VWA3B: variants seen among roughly 807,000 people sequenced by gnomAD.
VWA3B encodes the protein von Willebrand factor A domain containing 3B.
VWA3B carries 138 observed loss-of-function variants against 158.3 expected under a neutral mutation model. The ratio of observed to expected loss-of-function variants is 0.87; its 90% CI spans 0.76 to 1.00. The LOEUF (loss-of-function observed/expected upper bound fraction) is 1.00. Among genes scored for constraint, VWA3B ranks in the 50% least tolerant of loss-of-function variants. VWA3B has a pLI of 0.00. For missense variants in VWA3B, 1,555 were observed against 1,565.1 expected (o/e 0.99, Z 0.11); for synonymous variants, 596 against 587.3 (o/e 1.01, Z -0.21).
intron 10 of VWA3B, among the ~76,000 whole-genome samples, chr2:98,189,686 G>GAAA (rs1681415007): frequency 6.6e-6 from 1 of 152,100 alleles, no homozygotes. Context: ...ATCTCCAACT[G>GAAA]TAGTCTTTAA....
intron 14 of VWA3B, 135 bp downstream of exon 14, chr2:98,218,163 A>T: frequency 3.1e-6 from 3 of 972,348 alleles, no homozygotes; most frequent in East Asian, 2.8e-5. Flanking sequence ...TCGCTTAACA[A>T]TGAGTGTACC....
chr2:98,168,042 A>T (rs1437311897), intron 8 of VWA3B, among the ~76,000 whole-genome samples: 5 of 152,208 alleles, frequency 3.3e-5, no homozygotes, highest in Non-Finnish European at 5.9e-5. Flanking sequence ...GTACCCAACA[A>T]GGTCAAACTC....
Position 98,311,834 on chromosome 2 carries a change from G to A in VWA3B, c.3537G>A (p.Ala1179=), listed in dbSNP as rs868193810. The A allele has an allele frequency of 2.5e-6, 4 of 1,607,900 alleles. No individual in the cohort carries two copies. The highest frequency in any genetic ancestry group is 3.4e-6 in the Non-Finnish European group (4 of 1,177,368). ...CTGTCTCTAGAGAGGATGTGGAGGC[G>A]AGGAACTCTGCTTTCCTCTTCTGGC... ...PEDPEVEDVE[A]RNSAFLFWPL... Residue 1179 remains alanine (A), a synonymous_variant, in exon 27 of 28, where the codon GCG becomes GCA. Transcript: ENST00000477737.
At position 98,206,437 on chromosome 2, in the gene VWA3B, T is replaced by C. The variant is rs75249929; in HGVS notation, c.1738-5493T>C. On this transcript the variant is annotated intron_variant, in intron 12 of 27. Transcript: ENST00000477737. ...CAAGGCAGGGAGACCAGGCTGGTTT[T>C]TGTGGTGACCCAGCATTTGGGTGAG... 3.9e-3 allele frequency: 1,153 copies of C among 292,658 alleles called. 11 individuals are homozygous for C. Among genetic ancestry groups the C allele is most frequent in the African/African-American group, 0.024 (1,082 of 44,912 alleles). The allele number at this position is 292,658 out of a possible 1,614,324, so 18.1% of individuals were successfully genotyped here.
chr2:98,197,956 C>G (rs943983105), intron 12 of VWA3B, among the ~76,000 whole-genome samples: 8 of 151,690 alleles, frequency 5.3e-5, no homozygotes, highest in African/African-American at 1.9e-4. Flanking sequence ...TGCTTTTACG[C>G]CCTCTCAGTG....
rs529356066 is a variant in VWA3B, at chr2:98,096,295, G to T, written c.196+3007G>T. ...GATTTTTTTTTTTTTTAAAGATGGA[G>T]TCTTGCTTTGTTGCCCAGGCTGGAG... On this transcript the variant is annotated intron_variant, in intron 2 of 27. Coordinates refer to ENST00000477737, the MANE Select transcript of VWA3B (RefSeq NM_144992.5). 5.2e-4 allele frequency among the ~76,000 whole-genome samples: 79 copies of T among 151,766 alleles called. 1 individual carries two copies. In the South Asian group the frequency reaches 0.016, roughly 32 times the overall value.
intron 7 of VWA3B, among the ~76,000 whole-genome samples, chr2:98,157,184 A>T (rs990065762): frequency 6.6e-6 from 1 of 152,216 alleles, no homozygotes; most frequent in Non-Finnish European, 1.5e-5. Flanking sequence ...CCCATTCTTC[A>T]TATTGAAATT....
At chr2:98,309,477 C>T (rs1690748747) in intron 26 of VWA3B, among the ~76,000 whole-genome samples, 1 of 152,158 alleles carries the variant, frequency 6.6e-6, no homozygotes, top group Admixed American at 6.5e-5. Flanking sequence ...CTGGTCAACC[C>T]CTGTTCCCCA....
intron 23 of VWA3B, among the ~76,000 whole-genome samples, chr2:98,293,077 G>T (rs537760642): frequency 6.6e-6 from 1 of 152,076 alleles, no homozygotes; most frequent in African/African-American, 2.4e-5. Flanking sequence ...AGAATGGCTC[G>T]AACTTCTACC....
At chr2:98,184,274 A>G (rs532868022) in intron 9 of VWA3B, among the ~76,000 whole-genome samples, 1 of 152,348 alleles carries the variant, frequency 6.6e-6, no homozygotes, top group South Asian at 2.1e-4. Flanking sequence ...GAGAGACAAG[A>G]CACCTTTCTC....
At chr2:98,319,889 C>CACAG in the VWA3B span, among the ~76,000 whole-genome samples, 1 of 149,226 alleles carries the variant, frequency 6.7e-6, no homozygotes, top group Non-Finnish European at 1.5e-5. Context: ...CACACACACA[C>CACAG]ACACACACAC....
intron 12 of VWA3B, among the ~76,000 whole-genome samples, chr2:98,209,881 G>A (rs1300062668): frequency 6.6e-6 from 1 of 152,176 alleles, no homozygotes; most frequent in Admixed American, 6.5e-5. Context: ...CTGTGTTTGG[G>A]TGTAGCATGT....
intron 17 of VWA3B, among the ~76,000 whole-genome samples, chr2:98,235,163 A>AT (rs1685594053): frequency 6.6e-6 from 1 of 152,032 alleles, no homozygotes. Context: ...GGAAAATGTG[A>AT]TTTTCCCACT....
intron 21 of VWA3B, among the ~76,000 whole-genome samples, chr2:98,263,887 G>A (rs964932176): frequency 2.0e-5 from 3 of 151,868 alleles, no homozygotes; most frequent in Non-Finnish European, 4.4e-5. Context: ...TTGTTAGGAG[G>A]TTTTTGATTA....
At chr2:98,189,017 C>T (rs1038053303) in intron 10 of VWA3B, among the ~76,000 whole-genome samples, 1 of 152,196 alleles carries the variant, frequency 6.6e-6, no homozygotes, top group Non-Finnish European at 1.5e-5. Context: ...TTAGCTGCCT[C>T]TCACAGATTT....
chr2:98,239,752 A>G (rs1285725040), intron 19 of VWA3B, among the ~76,000 whole-genome samples: 1 of 151,930 alleles, frequency 6.6e-6, no homozygotes, highest in East Asian at 1.9e-4. Context: ...TCTGTACTAA[A>G]AATACAAAAA....
At chr2:98,142,212 A>G (rs969184395) in intron 7 of VWA3B, among the ~76,000 whole-genome samples, 1 of 152,088 alleles carries the variant, frequency 6.6e-6, no homozygotes, top group Non-Finnish European at 1.5e-5. Context: ...CAGGCTGAAC[A>G]GCTCTCTGCT....
At chr2:98,224,599 GT>G (rs139908615) in intron 14 of VWA3B, among the ~76,000 whole-genome samples, 7,184 of 151,964 alleles carry the variant, frequency 0.047, 254 homozygotes, top group Middle Eastern at 0.082. Context: ...GAAAAAAAAA[GT>G]TTAAATAACC....
chr2:98,324,102 G>C, the VWA3B span, among the ~76,000 whole-genome samples: 1 of 151,600 alleles, frequency 6.6e-6, no homozygotes, highest in Non-Finnish European at 1.5e-5. Context: ...GAGAATAACA[G>C]CAAGGAAAGA....
Sources: gnomAD v4.1 joint callset for allele counts (sites outside exome capture counted in the v4.1 genomes callset) on GRCh38, gnomAD v4.1.1 for gene constraint, MANE v1.5 for transcripts, NCBI Gene and HGNC (gene_info 2026-07-23, HGNC 2026-07-21) for gene names.